THOC5: variants seen among roughly 807,000 people sequenced by gnomAD.
THOC5 encodes Fms-interacting protein.
Under a neutral mutation model 92.9 loss-of-function variants are expected in THOC5, and 43 were observed. That is an observed-to-expected ratio of 0.46 (90% CI 0.36 to 0.60). The LOEUF (loss-of-function observed/expected upper bound fraction) is 0.60, where lower values mean the gene tolerates loss of function less well. THOC5 is among the 20% of genes least tolerant of loss of function. The pLI, the probability that THOC5 is intolerant of heterozygous loss-of-function variation, is 0.00. For missense variants in THOC5, 659 were observed against 849.4 expected (o/e 0.78, Z 2.79); for synonymous variants, 296 against 320.1 (o/e 0.92, Z 0.80).
chr22:29,534,615 C>A (rs1412185643), intron 7 of THOC5: 1 of 150,720 alleles, frequency 6.6e-6, no homozygotes, highest in Non-Finnish European at 1.5e-5. Context: ...TTTGCAGATT[C>A]TGCACAGTGC....
chr22:29,528,094 G>C lies in THOC5; in HGVS notation c.1050C>G (p.Leu350=). 1 of 1,614,200 alleles carries C rather than the reference G, an allele frequency of 6.2e-7. No homozygotes were observed. The highest frequency in any genetic ancestry group is 1.6e-4 in the Middle Eastern group (1 of 6,062). The change falls in exon 11 of 20, where the codon CTC becomes CTG. Residue 350 remains leucine, a synonymous_variant. Coordinates refer to ENST00000490103, the MANE Select transcript of THOC5 (RefSeq NM_003678.5). The stretch of plus-strand genomic sequence containing the variant: ...CAACCAGACCTTTGCACTTCAGGTC[G>C]AGCATGACAGACAGTGGGTGCCTCT... ...MLKRHPLSVM[L]DLKCKDDSVL... is the part of the protein sequence containing the mutation.
At chr22:29,514,755 A>G (rs572762552) in intron 17 of THOC5, among the ~76,000 whole-genome samples, 125 of 151,906 alleles carry the variant, frequency 8.2e-4, no homozygotes, top group African/African-American at 2.6e-3. Flanking sequence ...CCCAGGCTGG[A>G]GTGCAGTGGC....
At chr22:29,533,801 G>C (rs1300162943) in intron 7 of THOC5, among the ~76,000 whole-genome samples, 1 of 152,174 alleles carries the variant, frequency 6.6e-6, no homozygotes, top group Non-Finnish European at 1.5e-5. Flanking sequence ...ATACCCTCCA[G>C]AGTAGCCAAA....
chr22:29,520,435 T>C (rs1177987718), intron 13 of THOC5, among the ~76,000 whole-genome samples: 1 of 152,248 alleles, frequency 6.6e-6, no homozygotes, highest in Non-Finnish European at 1.5e-5. Flanking sequence ...ATAATTAAAA[T>C]GTCAAACATT....
intron 17 of THOC5, 132 bp downstream of exon 17, chr22:29,516,897 G>T: frequency 1.3e-6 from 1 of 785,938 alleles, no homozygotes; most frequent in Non-Finnish European, 2.1e-6. Context: ...TGCTGAACAG[G>T]CTCTCACGAT....
rs551030614 is a variant in THOC5, at chr22:29,547,402, C to T, written c.96+1650G>A. Among the ~76,000 whole-genome samples the T allele has an allele frequency of 8.6e-5, 13 of 151,600 alleles. No individual in the cohort carries two copies. In the East Asian group the frequency reaches 2.6e-3, roughly 30 times the overall value. Reference sequence around the variant, plus strand: ...TCTTTGAGATGGAGTCTCACTCTGTCACCCAGGCTGGAGTGCAGTGGCATG... The same window carrying T: ...TCTTTGAGATGGAGTCTCACTCTGTTACCCAGGCTGGAGTGCAGTGGCATG... On this transcript the variant is annotated intron_variant, in intron 2 of 19. Transcript: ENST00000490103.
chr22:29,552,607 G>A (rs1049418000), intron 1 of THOC5, among the ~76,000 whole-genome samples: 5 of 148,010 alleles, frequency 3.4e-5, no homozygotes, highest in Non-Finnish European at 6.0e-5. Context: ...CAGCCGCCCC[G>A]TCGGGTCGGG....
At chr22:29,529,614 A>G (rs977955604) in intron 8 of THOC5, among the ~76,000 whole-genome samples, 2 of 152,188 alleles carry the variant, frequency 1.3e-5, no homozygotes, top group African/African-American at 4.8e-5. Context: ...ACCTGTCCAC[A>G]TCCCAGAAAC....
At chr22:29,536,343 C>T in intron 7 of THOC5, 1 of 319,646 alleles carries the variant, frequency 3.1e-6, no homozygotes, top group Non-Finnish European at 5.7e-6. Flanking sequence ...GGGGGCCATG[C>T]AGGGGGTAAA....
At chr22:29,546,948 CT>C (rs1363435928) in intron 2 of THOC5, among the ~76,000 whole-genome samples, 1 of 151,812 alleles carries the variant, frequency 6.6e-6, no homozygotes, top group Non-Finnish European at 1.5e-5. Flanking sequence ...TCAAGCGATT[CT>C]CCTGCCTCAG....
At chr22:29,526,195 C>A (rs1165821172) in intron 11 of THOC5, among the ~76,000 whole-genome samples, 1 of 152,086 alleles carries the variant, frequency 6.6e-6, no homozygotes, top group Non-Finnish European at 1.5e-5. Flanking sequence ...AAAAGAAAAA[C>A]AGAATTATAG....
At chr22:29,529,699 T>A (rs1214560683) in intron 8 of THOC5, among the ~76,000 whole-genome samples, 3 of 152,236 alleles carry the variant, frequency 2.0e-5, no homozygotes, top group Non-Finnish European at 2.9e-5. Flanking sequence ...CTCACTTAAC[T>A]GGGAGGCAGT....
chr22:29,549,974 T>C (rs1237414079), intron 1 of THOC5, among the ~76,000 whole-genome samples: 2 of 152,146 alleles, frequency 1.3e-5, no homozygotes, highest in South Asian at 2.1e-4. Context: ...AATTTATCTC[T>C]ATGAATCATT....
chr22:29,524,251 C>CAG (rs1251924115), intron 12 of THOC5, among the ~76,000 whole-genome samples: 1 of 152,154 alleles, frequency 6.6e-6, no homozygotes, highest in African/African-American at 2.4e-5. Flanking sequence ...CTTAACTGTC[C>CAG]AGAGCCTCAG....
At chr22:29,527,844 T>G (rs952725712) in intron 11 of THOC5, among the ~76,000 whole-genome samples, 1 of 152,256 alleles carries the variant, frequency 6.6e-6, no homozygotes, top group Non-Finnish European at 1.5e-5. Context: ...GAAAGAGGTA[T>G]AGTTTTCTCA....
rs1031422217 is a variant in THOC5 at position 29,506,927 on chromosome 22, G to A, written c.*1530C>T. 2 of 152,112 alleles carry A rather than the reference G, an allele frequency of 1.3e-5. No homozygotes were observed. The highest frequency in any genetic ancestry group is 2.9e-5 in the Non-Finnish European group (2 of 68,072). The allele number at this position is 152,112 out of a possible 1,614,324, so 9.4% of individuals were successfully genotyped here. On this transcript the variant is annotated 3_prime_UTR_variant, in exon 20 of 20. Transcript: ENST00000490103. ...TTTCCCAGGCTGGAGTACAGTACAG[G>A]CACGATGAATAGCTCACTGCTACCT...
At position 29,531,974 on chromosome 22, in the gene THOC5, G is replaced by A. The variant is rs760941580; in HGVS notation, c.715-11C>T. 1.9e-6 allele frequency: 3 copies of A among 1,613,054 alleles called. No homozygotes were observed. On this transcript the variant is annotated splice_polypyrimidine_tract_variant and intron_variant, in intron 7 of 19. Coordinates refer to ENST00000490103, the MANE Select transcript of THOC5 (RefSeq NM_003678.5). ...CACCGGAAGGGAAGCCTGCACACAA[G>A]AGACAGATTTTTGTTCTTCCTTTTT...
intron 1 of THOC5, among the ~76,000 whole-genome samples, chr22:29,552,825 G>A (rs888269143): frequency 6.6e-6 from 1 of 152,234 alleles, no homozygotes; most frequent in African/African-American, 2.4e-5. Flanking sequence ...AAAAGATAGA[G>A]AAATCGGATT....
At chr22:29,540,390 C>T (rs1569229519) in intron 5 of THOC5, among the ~76,000 whole-genome samples, 2 of 152,236 alleles carry the variant, frequency 1.3e-5, no homozygotes, top group Non-Finnish European at 2.9e-5. Context: ...ATGTCATCCT[C>T]ACCTCATTTA....
Sources: gnomAD v4.1 joint callset for allele counts (sites outside exome capture counted in the v4.1 genomes callset) on GRCh38, gnomAD v4.1.1 for gene constraint, MANE v1.5 for transcripts, NCBI Gene and HGNC (gene_info 2026-07-23, HGNC 2026-07-21) for gene names.